The following PLA2R1 variants were observed in gnomAD, a reference collection of about 807,000 sequenced individuals.
PLA2R1 encodes phospholipase A2 receptor 1, also known as secretory phospholipase A2 receptor.
A neutral mutation model predicts 195.9 loss-of-function variants in PLA2R1; 158 were observed. The ratio of observed to expected loss-of-function variants is 0.81; its 90% confidence interval spans 0.71 to 0.92. The LOEUF (loss-of-function observed/expected upper bound fraction) is 0.92, where lower values mean the gene tolerates loss of function less well. PLA2R1 is among the 40% of genes least tolerant of loss of function. The pLI, the probability that PLA2R1 is intolerant of heterozygous loss-of-function variation, is 0.00. For missense variants in PLA2R1, 1,626 were observed against 1,764.6 expected (o/e 0.92, Z 1.41); for synonymous variants, 586 against 598.2 (o/e 0.98, Z 0.30).
intron 14 of PLA2R1, among the ~76,000 whole-genome samples, chr2:159,978,435 G>C (rs749056121): frequency 2.7e-4 from 41 of 152,128 alleles, no homozygotes; most frequent in Non-Finnish European, 4.9e-4. Context: ...TATAGCCTCA[G>C]GTTCAGAAAA....
Position 159,977,311 on chromosome 2 carries a change from G to T in PLA2R1, c.2374C>A (p.Arg792Ser), listed in dbSNP as rs142080447. 1.9e-6 allele frequency: 3 copies of T among 1,612,250 alleles called. No individual in the cohort carries two copies. Among genetic ancestry groups the T allele is most frequent in the Non-Finnish European group, 2.5e-6 (3 of 1,178,546 alleles). ...TLLPLHCGSK[R>S]EWICKIPRDV... ...CTTGGGATTTTGCATATCCATTCAC[G>T]TTTGGAACCACAGTGTAAGGGCAGC... Residue 792 changes from arginine to serine, a missense_variant, in exon 15 of 30, where the codon CGT becomes AGT. Physicochemically the swap from Arg to Ser is moderately radical, Grantham distance 110. Transcript: ENST00000283243.
intron 6 of PLA2R1, among the ~76,000 whole-genome samples, chr2:160,026,912 C>T (rs1693557958): frequency 6.6e-6 from 1 of 152,092 alleles, no homozygotes; most frequent in Admixed American, 6.6e-5. Flanking sequence ...GGTGGGCGGA[C>T]TGCCTCAGGT....
At chr2:160,000,193 A>G (rs1294624443) in intron 11 of PLA2R1, among the ~76,000 whole-genome samples, 1 of 152,186 alleles carries the variant, frequency 6.6e-6, no homozygotes, top group Non-Finnish European at 1.5e-5. Context: ...AAACCTGCAT[A>G]AAATAGAATC....
chr2:159,952,398 G>A (rs1239497976), intron 23 of PLA2R1, among the ~76,000 whole-genome samples: 1 of 152,134 alleles, frequency 6.6e-6, no homozygotes, highest in Admixed American at 6.6e-5. Flanking sequence ...GTTAGGATAT[G>A]TATAGAACAT....
intron 2 of PLA2R1, 138 bp from the exon 3 acceptor site, chr2:160,042,336 G>A: frequency 1.6e-6 from 1 of 627,886 alleles, no homozygotes. Flanking sequence ...GAGCCCTCAG[G>A]TCCTCACTGT....
chr2:160,042,016 T>A lies in PLA2R1; in HGVS notation c.667+9A>T. The A allele has an allele frequency of 6.2e-7, 1 of 1,607,810 alleles. No homozygotes were observed. The highest frequency in any genetic ancestry group is 1.1e-5 in the South Asian group (1 of 90,682). On this transcript the variant is annotated intron_variant, in intron 3 of 29. Coordinates refer to ENST00000283243, the MANE Select transcript of PLA2R1 (RefSeq NM_007366.5). ...CATGACATATAGAGAAGACAAAATT[T>A]ATTCTTACTGGGATCAGGGCAAAAT...
chr2:159,972,474 C>G (rs558018650), intron 17 of PLA2R1, among the ~76,000 whole-genome samples: 101 of 152,234 alleles, frequency 6.6e-4, no homozygotes, highest in African/African-American at 2.3e-3. Context: ...ATGGAAACAG[C>G]ATTTACCAAA....
Position 160,062,302 on chromosome 2 carries a change from C to T in PLA2R1, c.102G>A (p.Glu34=). ...CGACCCTGGGAGACTCACCCTGCCACTCCAGGAGCCGCTCGGGGGTAAGCG... is the reference window on the plus strand; with the variant it reads ...CGACCCTGGGAGACTCACCCTGCCATTCCAGGAGCCGCTCGGGGGTAAGCG... ...AAALTPERLL[E]WQDKGIFVIQ... Residue 34 remains glutamate, a synonymous_variant, in exon 1 of 30, where the codon GAG becomes GAA. Coordinates refer to ENST00000283243, the MANE Select transcript of PLA2R1 (RefSeq NM_007366.5). 2 of 1,505,714 alleles carry T rather than the reference C, an allele frequency of 1.3e-6. No homozygotes were observed. Among genetic ancestry groups the T allele is most frequent in the Non-Finnish European group, 1.8e-6 (2 of 1,127,554 alleles). The allele number at this position is 1,505,714 out of a possible 1,614,324, so 93.3% of individuals were successfully genotyped here. A position where few individuals can be genotyped will look rare whatever the true frequency, so the allele number is the denominator to read the frequency against.
At chr2:159,980,194 G>A (rs1689853084) in intron 13 of PLA2R1, among the ~76,000 whole-genome samples, 1 of 152,182 alleles carries the variant, frequency 6.6e-6, no homozygotes, top group Non-Finnish European at 1.5e-5. Context: ...CATGAACTGA[G>A]AGAAGAATAA....
intron 1 of PLA2R1, among the ~76,000 whole-genome samples, chr2:160,060,186 G>A (rs909470583): frequency 5.3e-5 from 8 of 152,202 alleles, no homozygotes; most frequent in African/African-American, 1.9e-4. Flanking sequence ...AAATGAAAAT[G>A]AGTGTGCATT....
chr2:159,956,562 GA>G lies in PLA2R1; in HGVS notation c.2969del (p.Phe990SerfsTer23). On this transcript the variant is annotated frameshift_variant, in exon 21 of 30. Transcript: ENST00000283243. LOFTEE classifies it high-confidence loss of function. ...SWKNWTHAQH[F>X]CAEEGGTLVA... ...CCAGGGTCCCCCCTTCTTCAGCACA[GA>G]AATGTTGAGCATGCGTCCAGTTCTT... 1.2e-6 allele frequency: 2 copies of G among 1,613,864 alleles called. No individual in the cohort carries two copies. Among genetic ancestry groups the G allele is most frequent in the Non-Finnish European group, 1.7e-6 (2 of 1,179,768 alleles).
At chr2:159,971,925 G>T (rs978537959) in intron 17 of PLA2R1, among the ~76,000 whole-genome samples, 1 of 152,124 alleles carries the variant, frequency 6.6e-6, no homozygotes, top group Non-Finnish European at 1.5e-5. Context: ...TATCCCTGAG[G>T]TGTTGTTTCG....
intron 1 of PLA2R1, among the ~76,000 whole-genome samples, chr2:160,055,706 C>A (rs535776109): frequency 6.6e-6 from 1 of 152,284 alleles, no homozygotes; most frequent in East Asian, 1.9e-4. Context: ...AGTTACTTAA[C>A]CCTTCTTCAT....
intron 7 of PLA2R1, among the ~76,000 whole-genome samples, chr2:160,021,409 T>C (rs1480421642): frequency 6.6e-6 from 1 of 152,162 alleles, no homozygotes; most frequent in East Asian, 1.9e-4. Flanking sequence ...AAAGAAAATA[T>C]GGTATATATA....
chr2:160,048,512 T>C (rs1315319464), intron 1 of PLA2R1, among the ~76,000 whole-genome samples: 2 of 152,244 alleles, frequency 1.3e-5, no homozygotes, highest in African/African-American at 4.8e-5. Flanking sequence ...TACTTTCAAA[T>C]AGACTGTGAG....
chr2:159,952,770 T>G (rs1687828770), intron 23 of PLA2R1, among the ~76,000 whole-genome samples: 1 of 152,184 alleles, frequency 6.6e-6, no homozygotes. Context: ...ATCCTATGAA[T>G]GTTGCTTCTT....
At chr2:159,988,568 CT>C (rs1470642510) in intron 11 of PLA2R1, among the ~76,000 whole-genome samples, 1 of 152,084 alleles carries the variant, frequency 6.6e-6, no homozygotes, top group Non-Finnish European at 1.5e-5. Context: ...GACATTTGAG[CT>C]GAATTTTGAA....
At chr2:159,951,255 T>C (rs1687722136) in intron 24 of PLA2R1, 85 bp downstream of exon 24, 1 of 755,620 alleles carries the variant, frequency 1.3e-6, no homozygotes, top group Admixed American at 2.2e-5. Flanking sequence ...TTTTTTTCAG[T>C]GCTAATTTCA....
chr2:160,005,064 A>C (rs1363692066), intron 11 of PLA2R1, among the ~76,000 whole-genome samples: 1 of 152,200 alleles, frequency 6.6e-6, no homozygotes, highest in Non-Finnish European at 1.5e-5. Context: ...ATTAGGAGGG[A>C]GAAGCTGGAC....
Sources: gnomAD v4.1 joint callset for allele counts (sites outside exome capture counted in the v4.1 genomes callset) on GRCh38, gnomAD v4.1.1 for gene constraint, MANE v1.5 for transcripts, NCBI Gene and HGNC (gene_info 2026-07-23, HGNC 2026-07-21) for gene names.